Variants in NDRG4 observed in about 807,000 individuals in gnomAD.
NDRG4 encodes the protein NDRG family member 4, also known as protein NDRG4.
NDRG4 carries 38 observed loss-of-function variants against 55.8 expected under a neutral mutation model. The observed-to-expected ratio is 0.68, with a 90% confidence interval of 0.53 to 0.89. The LOEUF (loss-of-function observed/expected upper bound fraction) is 0.89, where lower values mean the gene tolerates loss of function less well. NDRG4 is among the 40% of genes least tolerant of loss of function. The pLI, the probability that NDRG4 is intolerant of heterozygous loss-of-function variation, is 0.00. For missense variants in NDRG4, 455 were observed against 468.6 expected, an observed-to-expected ratio of 0.97 and a Z score of 0.27; for synonymous variants, 190 against 182.7, an observed-to-expected ratio of 1.04 and a Z score of -0.32.
chr16:58,486,069 C>T (rs181470659), intron 1 of NDRG4, among the ~76,000 whole-genome samples: 3 of 152,334 alleles, frequency 2.0e-5, no homozygotes, highest in Non-Finnish European at 4.4e-5. Context: ...CATTTATATA[C>T]TTACAAGCCA....
intron 1 of NDRG4, among the ~76,000 whole-genome samples, chr16:58,468,838 A>G (rs889230149): frequency 1.3e-5 from 2 of 152,142 alleles, no homozygotes; most frequent in Non-Finnish European, 2.9e-5. Flanking sequence ...CGGTAGCCGG[A>G]TGATTTTTTT....
At chr16:58,507,597 A>AT in intron 8 of NDRG4, 1 of 564,408 alleles carries the variant, frequency 1.8e-6, no homozygotes, top group Non-Finnish European at 3.1e-6. Flanking sequence ...GGCGGTGCGC[A>AT]TGGCTCTGAG....
upstream of NDRG4, chr16:58,499,970 TG>T: frequency 3.0e-6 from 2 of 677,466 alleles, no homozygotes; most frequent in African/African-American, 1.8e-5. Context: ...GTGACAGGGC[TG>T]GGGCAAGGAG....
At chr16:58,490,071 G>C (rs1435395740) in intron 2 of NDRG4, among the ~76,000 whole-genome samples, 4 of 152,228 alleles carry the variant, frequency 2.6e-5, no homozygotes, top group African/African-American at 9.6e-5. Flanking sequence ...TGAACTTCTG[G>C]GTGCAAGTGA....
chr16:58,500,870 G>A, intron 1 of NDRG4: 2 of 587,422 alleles, frequency 3.4e-6, no homozygotes, highest in Non-Finnish European at 5.0e-6. Context: ...CCAGGGCTCT[G>A]CTGCGCCAGC....
intron 1 of NDRG4, among the ~76,000 whole-genome samples, chr16:58,477,774 G>C (rs554396744): frequency 1.3e-5 from 2 of 152,014 alleles, no homozygotes; most frequent in East Asian, 3.9e-4. Context: ...CAGGGGTAAG[G>C]GGGGTGGAGG....
rs535312481 is a variant in NDRG4, at chr16:58,511,531, C to G, written c.1014C>G (p.Ser338Arg). ...AGGCCTGCACCCACTCAGAGAGCAG[C>G]GAGGGGCTGGGCCAGGTCAACCACA... Reference protein sequence around the residue: ...RPQACTHSESSEGLGQVNHTM... With the variant: ...RPQACTHSESREGLGQVNHTM... Residue 338 changes from serine to arginine, a missense_variant, in exon 15 of 15, where the codon AGC becomes AGG. Transcript: ENST00000570248. 1 of 1,613,046 alleles carries G rather than the reference C, an allele frequency of 6.2e-7. No individual in the cohort carries two copies. The highest frequency in any genetic ancestry group is 1.1e-5 in the South Asian group (1 of 91,088).
rs1461658788 is a variant in NDRG4, at chr16:58,506,543, C to T, written c.460-15C>T. ...GTGAGGGGCGGCACTCACGCTGGCG[C>T]CCTGCTCCCTGCAGCTCTCCGGCCT... On this transcript the variant is annotated splice_polypyrimidine_tract_variant and intron_variant, in intron 6 of 14. Transcript: ENST00000570248. The T allele has an allele frequency of 6.3e-7, 1 of 1,598,950 alleles. No homozygotes were observed. Among genetic ancestry groups the T allele is most frequent in the African/African-American group, 1.4e-5 (1 of 73,978 alleles).
At chr16:58,502,462 G>C (rs187543580) in intron 1 of NDRG4, among the ~76,000 whole-genome samples, 276 of 152,300 alleles carry the variant, frequency 1.8e-3, no homozygotes, top group African/African-American at 6.2e-3. Flanking sequence ...CTCCAGGGTA[G>C]AGCCTTTGGC....
rs554292031 is a variant in NDRG4, at chr16:58,509,714, C to T, written c.865+362C>T. On this transcript the variant is annotated intron_variant, in intron 13 of 14. Transcript: ENST00000570248. ...CTGTCTGGGGGTGAGGCACACTCCCCTCACCCGCCCCAGGGCTTGGGGTCA... is the reference window on the plus strand; with the variant it reads ...CTGTCTGGGGGTGAGGCACACTCCCTTCACCCGCCCCAGGGCTTGGGGTCA... Among the ~76,000 whole-genome samples the T allele has an allele frequency of 6.6e-5, 10 of 152,286 alleles. No individual in the cohort carries two copies. In the East Asian group the frequency reaches 1.7e-3, roughly 27 times the overall value.
chr16:58,485,253 G>A (rs2034955493), intron 1 of NDRG4, among the ~76,000 whole-genome samples: 1 of 152,128 alleles, frequency 6.6e-6, no homozygotes, highest in African/African-American at 2.4e-5. Context: ...TCTTTCTTGT[G>A]GAGCCCCACA....
chr16:58,476,581 A>AG (rs1411168959), intron 1 of NDRG4, among the ~76,000 whole-genome samples: 7 of 152,268 alleles, frequency 4.6e-5, no homozygotes, highest in South Asian at 4.1e-4. Flanking sequence ...TCTGTTGGCA[A>AG]GGGGGGCCTC....
chr16:58,465,035 T>G, intron 1 of NDRG4: 2 of 1,257,614 alleles, frequency 1.6e-6, no homozygotes, highest in Non-Finnish European at 2.1e-6. Flanking sequence ...CAGGGGGCAG[T>G]GGCTGGAGAG....
chr16:58,507,532 C>T, intron 8 of NDRG4: 1 of 497,808 alleles, frequency 2.0e-6, no homozygotes, highest in South Asian at 3.9e-5. Context: ...CCAGGGCCTG[C>T]CATCCCATAT....
Position 58,509,155 on chromosome 16 carries a change from T to G in NDRG4, c.779T>G (p.Met260Arg), listed in dbSNP as rs1244751411. The G allele has an allele frequency of 1.2e-6, 2 of 1,613,998 alleles. No homozygotes were observed. The highest frequency in any genetic ancestry group is 8.5e-7 in the Non-Finnish European group (1 of 1,180,022). Reference sequence around the variant, plus strand: ...GTCACCCCACTCTCTCCCTTGCAGATGGCAGACTCTGGAGGGCTGCCCCAG... The same window carrying G: ...GTCACCCCACTCTCTCCCTTGCAGAGGGCAGACTCTGGAGGGCTGCCCCAG... ...LDPTTTTFLKMADSGGLPQVT... is the reference protein window; with the variant it reads ...LDPTTTTFLKRADSGGLPQVT... The change falls in exon 12 of 15, where the codon ATG becomes AGG. Residue 260 changes from methionine to arginine, a missense_variant and splice_region_variant. Transcript: ENST00000570248.
intron 14 of NDRG4, chr16:58,510,960 C>T: frequency 7.2e-6 from 4 of 553,350 alleles, no homozygotes; most frequent in Non-Finnish European, 1.3e-5. Context: ...GAGGTAGAGC[C>T]CAGGCCTGGC....
chr16:58,468,278 G>A (rs1419677148), intron 1 of NDRG4, among the ~76,000 whole-genome samples: 4 of 152,210 alleles, frequency 2.6e-5, no homozygotes, highest in African/African-American at 9.7e-5. Flanking sequence ...CCTCAGCGGG[G>A]TCTTGCTGCA....
At chr16:58,472,736 G>A (rs1423415277) in intron 1 of NDRG4, among the ~76,000 whole-genome samples, 1 of 152,140 alleles carries the variant, frequency 6.6e-6, no homozygotes, top group East Asian at 1.9e-4. Flanking sequence ...TGGATTGGTT[G>A]AGCTCTAAGT....
intron 14 of NDRG4, 33 bp from the exon 15 acceptor site, chr16:58,511,389 C>G: frequency 1.3e-6 from 2 of 1,562,840 alleles, no homozygotes; most frequent in Non-Finnish European, 1.7e-6. Context: ...CCCTGCCCGC[C>G]AGTCCTCAGG....
Sources: allele counts gnomAD v4.1 joint callset (sites outside exome capture counted in the v4.1 genomes callset), GRCh38; gene constraint gnomAD v4.1.1; transcripts MANE v1.5; gene names NCBI Gene and HGNC (gene_info 2026-07-23, HGNC 2026-07-21).